Variants in GRIK1 observed in about 807,000 individuals in gnomAD.
GRIK1 encodes the protein glutamate ionotropic receptor kainate type subunit 1, also known as glutamate receptor ionotropic, kainate 1.
Under a neutral mutation model 105.7 loss-of-function variants are expected in GRIK1, and 69 were observed. The observed-to-expected ratio is 0.65, with a 90% CI of 0.54 to 0.80. GRIK1 has a LOEUF of 0.80. Among genes scored for constraint, GRIK1 ranks in the 30% least tolerant of loss-of-function variants. The pLI is 0.00. For missense variants in GRIK1, 1,109 were observed against 1,167.3 expected (o/e 0.95, Z 0.73); for synonymous variants, 438 against 431.3 (o/e 1.02, Z -0.19).
chr21:29,621,085 A>G (rs1176130482), intron 7 of GRIK1, among the ~76,000 whole-genome samples: 2 of 152,054 alleles, frequency 1.3e-5, no homozygotes, highest in Non-Finnish European at 2.9e-5. Flanking sequence ...GACTAAACCC[A>G]ATTGTGAATT....
At chr21:29,714,231 T>G (rs1224372214) in intron 1 of GRIK1, among the ~76,000 whole-genome samples, 2 of 152,152 alleles carry the variant, frequency 1.3e-5, no homozygotes, top group South Asian at 4.1e-4. Flanking sequence ...CTTTACACAC[T>G]CTTCCCATGA....
chr21:29,553,868 A>G (rs1051425160), intron 16 of GRIK1, among the ~76,000 whole-genome samples: 4 of 152,172 alleles, frequency 2.6e-5, no homozygotes, highest in East Asian at 3.8e-4. Context: ...GTTGCATAAA[A>G]CAAGACACCT....
intron 1 of GRIK1, among the ~76,000 whole-genome samples, chr21:29,743,522 T>A (rs143342325): frequency 9.9e-5 from 15 of 151,826 alleles, no homozygotes; most frequent in African/African-American, 3.6e-4. Flanking sequence ...ATAGTGAAAC[T>A]CCGTCTGTAC....
intron 1 of GRIK1, among the ~76,000 whole-genome samples, chr21:29,786,846 C>T (rs2066273318): frequency 1.3e-5 from 2 of 152,138 alleles, no homozygotes; most frequent in African/African-American, 2.4e-5. Flanking sequence ...GGAATTAAAC[C>T]TATCCCCAGT....
intron 1 of GRIK1, among the ~76,000 whole-genome samples, chr21:29,928,065 T>G (rs969381392): frequency 6.6e-6 from 1 of 152,130 alleles, no homozygotes; most frequent in Non-Finnish European, 1.5e-5. Context: ...ATGAATTGTC[T>G]TGGGCCATAC....
At chr21:29,790,152 C>T (rs541045619) in intron 1 of GRIK1, among the ~76,000 whole-genome samples, 5 of 152,250 alleles carry the variant, frequency 3.3e-5, no homozygotes, top group Non-Finnish European at 7.4e-5. Context: ...CAGGTTCAAG[C>T]GATTCTCCTG....
At chr21:29,894,038 C>T (rs536503449) in intron 1 of GRIK1, among the ~76,000 whole-genome samples, 5 of 151,888 alleles carry the variant, frequency 3.3e-5, no homozygotes, top group Non-Finnish European at 7.4e-5. Flanking sequence ...TGTTTTGTAC[C>T]GCTGGTTGTA....
intron 6 of GRIK1, among the ~76,000 whole-genome samples, chr21:29,645,006 C>T (rs900161984): frequency 1.3e-5 from 2 of 152,076 alleles, no homozygotes; most frequent in African/African-American, 2.4e-5. Flanking sequence ...GAGTATATGC[C>T]GTTAACCATA....
At chr21:29,907,023 TA>T (rs61372535) in intron 1 of GRIK1, among the ~76,000 whole-genome samples, 789 of 137,284 alleles carry the variant, frequency 5.7e-3, no homozygotes, top group African/African-American at 0.013. Context: ...TCAATAAAAA[TA>T]AAAAAAAAAA....
At chr21:29,608,593 A>C (rs535065133) in intron 7 of GRIK1, among the ~76,000 whole-genome samples, 8 of 152,242 alleles carry the variant, frequency 5.3e-5, no homozygotes, top group Non-Finnish European at 1.0e-4. Flanking sequence ...CCTGCTCTTA[A>C]CAAGAAGATA....
At chr21:29,682,094 T>C (rs2063391904) in intron 3 of GRIK1, among the ~76,000 whole-genome samples, 1 of 152,194 alleles carries the variant, frequency 6.6e-6, no homozygotes, top group South Asian at 2.1e-4. Context: ...TGGAGAGAAA[T>C]GCAATTCATC....
intron 1 of GRIK1, among the ~76,000 whole-genome samples, chr21:29,766,701 A>G (rs1051854438): frequency 2.6e-5 from 4 of 152,214 alleles, no homozygotes; most frequent in Non-Finnish European, 5.9e-5. Context: ...ATAGTACGAT[A>G]TACTTCATCA....
chr21:29,691,326 A>G (rs1349398344), intron 2 of GRIK1, among the ~76,000 whole-genome samples: 1 of 152,192 alleles, frequency 6.6e-6, no homozygotes, highest in Non-Finnish European at 1.5e-5. Flanking sequence ...GCAAACAAAC[A>G]AACATCCCCC....
At chr21:29,707,442 C>CCCTTCCTTCCTTCCTTCCTTCCTTCCTT (rs1337656885) in intron 1 of GRIK1, among the ~76,000 whole-genome samples, 4 of 3,302 alleles carry the variant, frequency 1.2e-3, no homozygotes, top group Non-Finnish European at 4.0e-3. Context: ...CTCCCTCCCT[C>CCCTTCCTTCCTTCCTTCCTTCCTTCCTT]CCTCCCTCCC....
chr21:29,616,926 A>G (rs1013738067), intron 7 of GRIK1, among the ~76,000 whole-genome samples: 3 of 152,216 alleles, frequency 2.0e-5, no homozygotes, highest in Middle Eastern at 3.2e-3. Context: ...GTTCAATGGA[A>G]TCATGTTAAT....
chr21:29,729,089 G>A (rs1347341871), intron 1 of GRIK1, among the ~76,000 whole-genome samples: 3 of 152,092 alleles, frequency 2.0e-5, no homozygotes, highest in African/African-American at 2.4e-5. Context: ...TTGTGATTGG[G>A]GACCTAATCA....
At chr21:29,664,823 C>A (rs1018182626) in intron 4 of GRIK1, among the ~76,000 whole-genome samples, 1 of 152,228 alleles carries the variant, frequency 6.6e-6, no homozygotes, top group East Asian at 1.9e-4. Flanking sequence ...CTTTAGTATG[C>A]AGGCTTCTTT....
chr21:29,800,410 G>A (rs2066673270), intron 1 of GRIK1, among the ~76,000 whole-genome samples: 1 of 152,266 alleles, frequency 6.6e-6, no homozygotes, highest in East Asian at 1.9e-4. Context: ...CTTTTAAAAA[G>A]AAGACACCTT....
intron 1 of GRIK1, among the ~76,000 whole-genome samples, chr21:29,892,972 G>A (rs950195848): frequency 4.3e-4 from 66 of 152,142 alleles, no homozygotes; most frequent in Admixed American, 2.0e-4. Flanking sequence ...TCAGGAGTTC[G>A]AGACCAGCAT....
Sources: allele counts gnomAD v4.1 joint callset (sites outside exome capture counted in the v4.1 genomes callset), GRCh38; gene constraint gnomAD v4.1.1; transcripts MANE v1.5; gene names NCBI Gene and HGNC (gene_info 2026-07-23, HGNC 2026-07-21).